The following MARCHF2 variants were observed in gnomAD, a reference collection of about 807,000 sequenced individuals.
MARCHF2 encodes the protein membrane associated ring-CH-type finger 2, also known as E3 ubiquitin-protein ligase MARCHF2.
A neutral mutation model predicts 24.0 loss-of-function variants in MARCHF2; 22 were observed. That is an observed-to-expected ratio of 0.92 (90% CI 0.66 to 1.31). MARCHF2 has a LOEUF of 1.31. MARCHF2 is among the 50% of genes most tolerant of loss of function. The pLI, the probability that MARCHF2 is intolerant of heterozygous loss-of-function variation, is 0.00. For synonymous variants in MARCHF2, 154 were observed against 153.0 expected (o/e 1.01, Z -0.05); for missense variants, 301 against 335.3 (o/e 0.90, Z 0.80).
intron 1 of MARCHF2, among the ~76,000 whole-genome samples, 155 bp from the exon 2 acceptor site, chr19:8,421,634 G>A (rs930422426): frequency 2.6e-5 from 4 of 152,086 alleles, no homozygotes; most frequent in Admixed American, 2.0e-4. Context: ...AATCCTCACT[G>A]GCCCTACAGA....
At position 8,430,736 on chromosome 19, in the gene MARCHF2, C is replaced by A; in HGVS notation, c.451C>A (p.Leu151Met). ...DMVCFLFITP[L>M]AAISGWLCLR... Reference sequence around the variant, plus strand: ...GGTGTGTTTCCTGTTCATCACACCGCTGGCCGCCATCTCAGGCTGGTTGTG... The same window carrying A: ...GGTGTGTTTCCTGTTCATCACACCGATGGCCGCCATCTCAGGCTGGTTGTG... The change falls in exon 4 of 5, where the codon CTG becomes ATG. Residue 151 changes from leucine (L) to methionine (M), a missense_variant. Transcript: ENST00000215555. The surrounding 1 kb of genome is among the most constrained non-coding windows in gnomAD (Gnocchi z 4.4). 6.2e-7 allele frequency: 1 copy of A among 1,611,564 alleles called. No homozygotes were observed. Among genetic ancestry groups the A allele is most frequent in the Non-Finnish European group, 8.5e-7 (1 of 1,179,990 alleles).
chr19:8,426,791 G>T lies in MARCHF2; in HGVS notation c.359G>T (p.Arg120Leu). The T allele has an allele frequency of 6.2e-7, 1 of 1,611,980 alleles. No homozygotes were observed. The highest frequency in any genetic ancestry group is 1.1e-5 in the South Asian group (1 of 90,978). ...HTEFAVEKRP[R>L]PLTEWLKDPG... ...GAGTTTGCAGTGGAGAAACGGCCTC[G>T]ACCCCTCACAGAGGTACCCTTAAGA... The change falls in exon 3 of 5, where the codon CGA becomes CTA. Residue 120 changes from arginine (R) to leucine (L), a missense_variant. Physicochemically the swap from Arg to Leu is moderately radical, Grantham distance 102. Transcript: ENST00000215555.
At chr19:8,436,756 T>A (rs954017537) in intron 4 of MARCHF2, among the ~76,000 whole-genome samples, 6 of 142,994 alleles carry the variant, frequency 4.2e-5, no homozygotes, top group African/African-American at 1.5e-4. Context: ...GATCTCGGCT[T>A]ACCGCAGCCT....
At chr19:8,414,166 CTCA>C (rs1162340488) in intron 1 of MARCHF2, among the ~76,000 whole-genome samples, 2 of 152,144 alleles carry the variant, frequency 1.3e-5, no homozygotes, top group Non-Finnish European at 2.9e-5. Context: ...TGTGTGACCT[CTCA>C]TCAACAACTC....
At chr19:8,422,040 C>A in intron 2 of MARCHF2, 24 bp downstream of exon 2, 2 of 1,583,122 alleles carry the variant, frequency 1.3e-6, no homozygotes, top group Non-Finnish European at 1.7e-6. Flanking sequence ...GCGTGGATAT[C>A]CTGGCCTTTG....
intron 3 of MARCHF2, among the ~76,000 whole-genome samples, chr19:8,428,996 G>T (rs1967499948): frequency 7.1e-6 from 1 of 141,472 alleles, no homozygotes. Flanking sequence ...CAGAGTGTAG[G>T]GAGAAAAGTG....
chr19:8,423,040 T>C (rs1335498852), intron 2 of MARCHF2, among the ~76,000 whole-genome samples: 1 of 26,088 alleles, frequency 3.8e-5, no homozygotes, highest in Non-Finnish European at 7.8e-5. Context: ...TTTCCTCTCT[T>C]CTCTGAATTT....
intron 4 of MARCHF2, among the ~76,000 whole-genome samples, chr19:8,433,460 C>T (rs78698319): frequency 2.0e-5 from 3 of 151,376 alleles, no homozygotes; most frequent in South Asian, 2.1e-4. Context: ...GGGTGGATCA[C>T]GAGGTCAGGA....
chr19:8,438,478 G>A lies in MARCHF2; in HGVS notation c.673G>A (p.Glu225Lys), dbSNP rs558627246. ...GAAGATCCGGGAGGCGGACAGCCCC[G>A]AGGGCCCCCAGCATTCTCCACTGGC... ...RLKIREADSP[E>K]GPQHSPLAAG... The change falls in exon 5 of 5, where the codon GAG becomes AAG. Residue 225 changes from glutamate to lysine, a missense_variant. Physicochemically the swap from Glu to Lys is moderately conservative, Grantham distance 56. Coordinates refer to ENST00000215555, the MANE Select transcript of MARCHF2 (RefSeq NM_001005415.2). The A allele has an allele frequency of 2.8e-5, 45 of 1,613,978 alleles. No homozygotes were observed. Among genetic ancestry groups the A allele is most frequent in the Admixed American group, 6.7e-5 (4 of 59,978 alleles).
intron 2 of MARCHF2, among the ~76,000 whole-genome samples, chr19:8,425,979 G>A (rs1967387714): frequency 6.6e-6 from 1 of 151,354 alleles, no homozygotes; most frequent in Non-Finnish European, 1.5e-5. Context: ...TGTAATCCCA[G>A]CACTTTGGGA....
chr19:8,428,664 A>AAAAAAAAAC (rs1967485126), intron 3 of MARCHF2, among the ~76,000 whole-genome samples: 1 of 142,932 alleles, frequency 7.0e-6, no homozygotes, highest in African/African-American at 2.6e-5. Flanking sequence ...AAAAAAAAAA[A>AAAAAAAAAC]AAAAAAAAAA....
intron 2 of MARCHF2, among the ~76,000 whole-genome samples, chr19:8,424,116 T>C (rs1299872671): frequency 1.3e-5 from 2 of 152,130 alleles, no homozygotes; most frequent in African/African-American, 4.8e-5. Context: ...TGGGAAACAG[T>C]GACTCATGGC....
At position 8,437,347 on chromosome 19, in the gene MARCHF2, C is replaced by CTTTTTTTTTTTTTTTTT. The variant is rs1156296451; in HGVS notation, c.583-1040_583-1039insTTTTTTTTTTTTTTTTT. On this transcript the variant is annotated intron_variant, in intron 4 of 4. Transcript: ENST00000215555. ...CACCACTGTTTATTTATTCATTCAC[C>CTTTTTTTTTTTTTTTTT]TATTTTTTTTTTTTTTTTTTTTGAG... Among the ~76,000 whole-genome samples the CTTTTTTTTTTTTTTTTT allele has an allele frequency of 2.6e-5, 3 of 113,948 alleles. 1 individual carries two copies. The highest frequency in any genetic ancestry group is 5.3e-5 in the Non-Finnish European group (3 of 56,610). 74.8% of individuals were successfully genotyped at this position (113,948 alleles called of 152,430 possible).
intron 4 of MARCHF2, among the ~76,000 whole-genome samples, chr19:8,433,251 A>G (rs1408500050): frequency 2.7e-5 from 4 of 146,710 alleles, no homozygotes; most frequent in Admixed American, 6.9e-5. Flanking sequence ...AAGAAAAAGG[A>G]AAAAAAAAAG....
At chr19:8,419,842 TAAAAATA>T (rs1316507494) in intron 1 of MARCHF2, among the ~76,000 whole-genome samples, 1 of 133,884 alleles carries the variant, frequency 7.5e-6, no homozygotes, top group Non-Finnish European at 1.6e-5. Flanking sequence ...AATAAATAAA[TAAAAATA>T]AAAAATAAAA....
intron 3 of MARCHF2, among the ~76,000 whole-genome samples, chr19:8,429,989 A>G (rs529096836): frequency 2.6e-5 from 4 of 152,022 alleles, no homozygotes; most frequent in African/African-American, 9.6e-5. Flanking sequence ...TCTGTGCCTC[A>G]GTTTCCCCAT....
chr19:8,421,382 C>CTTT (rs1254772289), intron 1 of MARCHF2, among the ~76,000 whole-genome samples: 234 of 111,628 alleles, frequency 2.1e-3, no homozygotes, highest in Non-Finnish European at 2.3e-3. Flanking sequence ...TCTTTCTTTT[C>CTTT]TTTTTTTTTT....
intron 4 of MARCHF2, among the ~76,000 whole-genome samples, chr19:8,431,497 C>CAAAAAAAAAA (rs60782968): frequency 1.7e-5 from 1 of 57,460 alleles, no homozygotes; most frequent in Non-Finnish European, 3.0e-5. Flanking sequence ...AACTCGATCT[C>CAAAAAAAAAA]AAAAAAAAAA....
rs369503477 is a variant in MARCHF2, at chr19:8,430,909, C to T, written c.582+42C>T. The T allele has an allele frequency of 3.7e-5, 57 of 1,522,036 alleles. No individual in the cohort carries two copies. Among genetic ancestry groups the T allele is most frequent in the African/African-American group, 3.4e-4 (25 of 72,982 alleles). 94.3% of individuals were successfully genotyped at this position (1,522,036 alleles called of 1,614,324 possible). Reference sequence around the variant, plus strand: ...GTGCAGCACGCGTCTCGAGCTCTGCCGCTGGGAGCAGCAGGGCCAAGGATT... The same window carrying T: ...GTGCAGCACGCGTCTCGAGCTCTGCTGCTGGGAGCAGCAGGGCCAAGGATT... On this transcript the variant is annotated intron_variant, in intron 4 of 4. Coordinates refer to ENST00000215555, the MANE Select transcript of MARCHF2 (RefSeq NM_001005415.2). This position sits in a 1 kb window ranked among gnomAD's most constrained non-coding sequence, Gnocchi z 4.4.
Sources: allele counts gnomAD v4.1 joint callset (sites outside exome capture counted in the v4.1 genomes callset), GRCh38; gene constraint gnomAD v4.1.1; non-coding constraint Gnocchi (gnomAD v3.1); transcripts MANE v1.5; gene names NCBI Gene and HGNC (gene_info 2026-07-23, HGNC 2026-07-21).